The following DAB1 variants were observed in gnomAD, a reference collection of about 807,000 sequenced individuals.
DAB1 encodes DAB adaptor protein 1.
DAB1 carries 15 observed loss-of-function variants against 64.6 expected under a neutral mutation model. That is an observed-to-expected ratio of 0.23 (90% CI 0.16 to 0.36). DAB1 has a LOEUF of 0.36. DAB1 is among the 10% of genes least tolerant of loss of function. The probability of loss-of-function intolerance (pLI) is 1.00; values close to 1 mark genes in which losing one functional copy is unlikely to be tolerated. For missense variants in DAB1, 596 were observed against 706.7 expected (o/e 0.84, Z 1.78); for synonymous variants, 235 against 251.9 (o/e 0.93, Z 0.64).
chr1:57,513,186 T>G (rs1487191572), intron 7 of DAB1, among the ~76,000 whole-genome samples: 2 of 152,102 alleles, frequency 1.3e-5, no homozygotes, highest in Non-Finnish European at 2.9e-5. Flanking sequence ...GAGCTCTCAC[T>G]TCACTTCTGC....
intron 2 of DAB1, among the ~76,000 whole-genome samples, chr1:58,524,714 T>A (rs370226708): frequency 1.4e-4 from 21 of 152,274 alleles, no homozygotes; most frequent in South Asian, 1.0e-3. Flanking sequence ...GCAACTCAAC[T>A]TTTTCTTGTA....
At chr1:57,442,198 A>G (rs1685983981) in intron 7 of DAB1, among the ~76,000 whole-genome samples, 1 of 152,252 alleles carries the variant, frequency 6.6e-6, no homozygotes, top group Non-Finnish European at 1.5e-5. Flanking sequence ...ATAGTAGCTG[A>G]TTCCAGTGTC....
chr1:58,116,747 C>T (rs1652357286), intron 5 of DAB1, among the ~76,000 whole-genome samples: 1 of 152,142 alleles, frequency 6.6e-6, no homozygotes, highest in South Asian at 2.1e-4. Context: ...CTCTATAATT[C>T]AGTTCTTTAA....
chr1:58,430,243 A>G (rs1382707727), intron 3 of DAB1, among the ~76,000 whole-genome samples: 1 of 152,252 alleles, frequency 6.6e-6, no homozygotes, highest in African/African-American at 2.4e-5. Flanking sequence ...AAAATAAGGT[A>G]ACTTATGTGA....
chr1:58,262,076 T>C (rs868790784), intron 4 of DAB1, among the ~76,000 whole-genome samples: 1 of 152,216 alleles, frequency 6.6e-6, no homozygotes, highest in Middle Eastern at 3.4e-3. Context: ...CATCAATCTA[T>C]AAAGGTAACT....
intron 5 of DAB1, among the ~76,000 whole-genome samples, chr1:57,967,787 T>C (rs1645703372): frequency 6.6e-6 from 1 of 152,188 alleles, no homozygotes; most frequent in Non-Finnish European, 1.5e-5. Context: ...GCTCAACTCA[T>C]AGTAAGTGTT....
chr1:57,070,943 C>A (rs751617345), intron 7 of DAB1, 80 bp downstream of exon 7: 1 of 1,255,724 alleles, frequency 8.0e-7, no homozygotes, highest in South Asian at 1.2e-5. Flanking sequence ...TCAGTGGATT[C>A]TTCAGGTTTC....
rs918743276 is a variant in DAB1, at chr1:57,924,391, A to G, written n.388-40229T>C. 2.6e-5 allele frequency among the ~76,000 whole-genome samples: 4 copies of G among 152,212 alleles called. No homozygotes were observed. In the South Asian group the frequency reaches 6.2e-4, roughly 24 times the overall value. ...GATTAAGAATTCCAACTCTGGAGTCAGACAGTCATGAAGGTGAACCCCTGA... is the reference window on the plus strand; with the variant it reads ...GATTAAGAATTCCAACTCTGGAGTCGGACAGTCATGAAGGTGAACCCCTGA... On this transcript the variant is annotated intron_variant and non_coding_transcript_variant, in intron 5 of 20. Transcript: ENST00000485760.
intron 9 of DAB1, among the ~76,000 whole-genome samples, chr1:57,032,456 C>T (rs1646993598): frequency 1.3e-5 from 2 of 152,158 alleles, no homozygotes; most frequent in South Asian, 4.2e-4. Context: ...CCTCCTCCCA[C>T]CTAGAACACT....
intron 7 of DAB1, among the ~76,000 whole-genome samples, chr1:57,570,370 C>T (rs114434469): frequency 0.022 from 3,167 of 144,702 alleles, 52 homozygotes; most frequent in Middle Eastern, 0.084. Flanking sequence ...CTTGTGATTA[C>T]GTGAGTTAAT....
intron 5 of DAB1, among the ~76,000 whole-genome samples, chr1:57,903,858 T>C (rs1206937708): frequency 6.6e-6 from 1 of 152,208 alleles, no homozygotes; most frequent in African/African-American, 2.4e-5. Context: ...TTTATCTTTA[T>C]GGTCTACTTA....
Position 57,439,418 on chromosome 1 carries a change from G to GTTTTTTTTTTTTTTTTTTTTTTTTTTT in DAB1, n.626-148253_626-148252insAAAAAAAAAAAAAAAAAAAAAAAAAAA. On this transcript the variant is annotated intron_variant and non_coding_transcript_variant, in intron 7 of 20. Coordinates refer to the DAB1 transcript ENST00000485760. ...GCCATGCCATCAACTTGGTGATGAG[G>GTTTTTTTTTTTTTTTTTTTTTTTTTTT]TTTTTTCTTTTTTTTTTTTTTTTTT... 8.5e-4 allele frequency among the ~76,000 whole-genome samples: 99 copies of GTTTTTTTTTTTTTTTTTTTTTTTTTTT among 116,124 alleles called. 17 individuals are homozygous for GTTTTTTTTTTTTTTTTTTTTTTTTTTT. The highest frequency in any genetic ancestry group is 2.4e-3 in the African/African-American group (67 of 28,288). The allele number at this position is 116,124 out of a possible 152,430, so 76.2% of individuals were successfully genotyped here.
intron 2 of DAB1, among the ~76,000 whole-genome samples, chr1:57,231,237 T>C (rs1667652787): frequency 6.6e-6 from 1 of 152,240 alleles, no homozygotes; most frequent in Non-Finnish European, 1.5e-5. Flanking sequence ...ATCTTCAAAA[T>C]ACTTGAGCTA....
intron 4 of DAB1, among the ~76,000 whole-genome samples, chr1:57,113,519 T>C (rs1284315712): frequency 6.6e-6 from 1 of 152,236 alleles, no homozygotes; most frequent in Non-Finnish European, 1.5e-5. Context: ...AACAACTCAA[T>C]GCTGCCTTTA....
At chr1:57,828,681 A>G (rs1286726697) in intron 1 of DAB1, among the ~76,000 whole-genome samples, 1 of 152,238 alleles carries the variant, frequency 6.6e-6, no homozygotes, top group Non-Finnish European at 1.5e-5. Flanking sequence ...AGAAAAATGT[A>G]TCCTACTTTT....
intron 5 of DAB1, among the ~76,000 whole-genome samples, chr1:58,000,008 G>A (rs1408118834): frequency 4.0e-5 from 6 of 151,454 alleles, no homozygotes; most frequent in Admixed American, 4.0e-4. Context: ...AAGAAAGGGA[G>A]GAAGAGAGGG....
chr1:57,574,962 G>C (rs1474025691), intron 7 of DAB1, among the ~76,000 whole-genome samples: 2 of 152,198 alleles, frequency 1.3e-5, no homozygotes, highest in Non-Finnish European at 2.9e-5. Flanking sequence ...ATACCTTATA[G>C]AGAAGGAAAA....
At chr1:57,379,285 C>T (rs577188788) in intron 1 of DAB1, among the ~76,000 whole-genome samples, 1 of 152,230 alleles carries the variant, frequency 6.6e-6, no homozygotes, top group Admixed American at 6.5e-5. Context: ...GATAGATGAT[C>T]TGTAAGATAT....
intron 6 of DAB1, among the ~76,000 whole-genome samples, chr1:57,676,041 A>G (rs1372058818): frequency 6.6e-6 from 1 of 152,228 alleles, no homozygotes; most frequent in African/African-American, 2.4e-5. Context: ...AGCCAGAGTT[A>G]CAACTGAGGC....
Sources: allele counts gnomAD v4.1 joint callset (sites outside exome capture counted in the v4.1 genomes callset), GRCh38; gene constraint gnomAD v4.1.1; transcripts MANE v1.5; gene names NCBI Gene and HGNC (gene_info 2026-07-23, HGNC 2026-07-21).